The following SLC9A9 variants were observed in gnomAD, a reference collection of about 807,000 sequenced individuals.
SLC9A9 encodes sodium/hydrogen exchanger 9.
In SLC9A9, 62 loss-of-function variants were observed where a neutral mutation model predicts 77.8. The observed-to-expected ratio is 0.80, with a 90% CI of 0.65 to 0.98. SLC9A9 has a LOEUF of 0.98. Ranked by LOEUF, SLC9A9 falls within the 50% of genes least tolerant of loss-of-function variation. The pLI, the probability that SLC9A9 is intolerant of heterozygous loss-of-function variation, is 0.00. For synonymous variants in SLC9A9, 320 were observed against 283.5 expected (o/e 1.13, Z -1.29); for missense variants, 775 against 774.9 (o/e 1.00, Z 0.00).
intron 14 of SLC9A9, among the ~76,000 whole-genome samples, chr3:143,318,501 G>A (rs1286964450): frequency 1.3e-5 from 2 of 152,192 alleles, no homozygotes; most frequent in South Asian, 2.1e-4. Flanking sequence ...ATGTAGTTAA[G>A]CAGAGCTTGT....
chr3:143,385,298 A>G (rs1177131947), intron 12 of SLC9A9, among the ~76,000 whole-genome samples: 3 of 152,042 alleles, frequency 2.0e-5, no homozygotes, highest in Admixed American at 2.0e-4. Context: ...TTCATTTTCT[A>G]TCTATCTATC....
chr3:143,458,605 G>A (rs1461392399), intron 12 of SLC9A9, among the ~76,000 whole-genome samples: 6 of 151,828 alleles, frequency 4.0e-5, no homozygotes, highest in Admixed American at 3.9e-4. Context: ...ATGTGTTTTA[G>A]TGGTTGATCT....
chr3:143,334,658 A>T (rs2108457986), intron 14 of SLC9A9, among the ~76,000 whole-genome samples: 1 of 152,354 alleles, frequency 6.6e-6, no homozygotes, highest in African/African-American at 2.4e-5. Flanking sequence ...CTGGAAGACA[A>T]TAAAGGCTCA....
intron 6 of SLC9A9, among the ~76,000 whole-genome samples, chr3:143,580,755 C>T (rs558904777): frequency 3.3e-5 from 5 of 152,242 alleles, no homozygotes; most frequent in Admixed American, 2.0e-4. Context: ...TCACTTTGTT[C>T]GCCAAACTTT....
chr3:143,751,211 G>A (rs2006706115), intron 4 of SLC9A9, among the ~76,000 whole-genome samples: 1 of 152,164 alleles, frequency 6.6e-6, no homozygotes, highest in African/African-American at 2.4e-5. Context: ...GTGGAGAAAA[G>A]GTTGCAGACT....
At chr3:143,754,306 C>T (rs1229563190) in intron 4 of SLC9A9, among the ~76,000 whole-genome samples, 1 of 152,160 alleles carries the variant, frequency 6.6e-6, no homozygotes, top group African/African-American at 2.4e-5. Flanking sequence ...GGATATGATG[C>T]CTTGGGACTT....
At position 143,848,430 on chromosome 3, in the gene SLC9A9, C is replaced by A; in HGVS notation, c.-108G>T. 1.4e-6 allele frequency: 2 copies of A among 1,416,166 alleles called. No individual in the cohort carries two copies. Among genetic ancestry groups the A allele is most frequent in the East Asian group, 2.3e-5 (1 of 43,316 alleles). The allele number at this position is 1,416,166 out of a possible 1,614,324, so 87.7% of individuals were successfully genotyped here. A position where few individuals can be genotyped will look rare whatever the true frequency, so the allele number is the denominator to read the frequency against. On this transcript the variant is annotated 5_prime_UTR_variant, in exon 1 of 16. Transcript: ENST00000316549. Reference sequence around the variant, plus strand: ...CTGAGAATTTCAGAAGAAACACTGCCACTTTAGTTGCTACTTCACAAGCAT... The same window carrying A: ...CTGAGAATTTCAGAAGAAACACTGCAACTTTAGTTGCTACTTCACAAGCAT...
intron 6 of SLC9A9, chr3:143,620,606 C>T (rs1341020169): frequency 6.6e-6 from 1 of 152,560 alleles, no homozygotes; most frequent in Non-Finnish European, 1.5e-5. Context: ...TAGGTGGTAA[C>T]CAGCCTTTGA....
intron 14 of SLC9A9, among the ~76,000 whole-genome samples, chr3:143,354,365 T>A (rs940539482): frequency 6.6e-6 from 1 of 152,240 alleles, no homozygotes. Flanking sequence ...TTGACATACA[T>A]TGAGAATCAT....
intron 9 of SLC9A9, among the ~76,000 whole-genome samples, chr3:143,534,389 TG>T (rs2036558397): frequency 6.6e-6 from 1 of 152,256 alleles, no homozygotes; most frequent in African/African-American, 2.4e-5. Flanking sequence ...TATTTTATAC[TG>T]GTTTCCTCAA....
chr3:143,724,015 T>A (rs1228845340), intron 4 of SLC9A9, among the ~76,000 whole-genome samples: 1 of 152,240 alleles, frequency 6.6e-6, no homozygotes, highest in Non-Finnish European at 1.5e-5. Flanking sequence ...ATTATTTAGT[T>A]GGCTTCTGGA....
chr3:143,545,692 T>C (rs899054250), intron 9 of SLC9A9, among the ~76,000 whole-genome samples: 2 of 152,230 alleles, frequency 1.3e-5, no homozygotes, highest in Non-Finnish European at 2.9e-5. Flanking sequence ...TGAGAGTTTT[T>C]CCAGGAAGAA....
chr3:143,503,396 G>C (rs1250777962), intron 9 of SLC9A9: 1 of 313,068 alleles, frequency 3.2e-6, no homozygotes, highest in African/African-American at 2.2e-5. Context: ...AGCATCAAAA[G>C]TGGAAGAATG....
chr3:143,597,383 A>T (rs1415545228), intron 6 of SLC9A9, among the ~76,000 whole-genome samples: 1 of 152,170 alleles, frequency 6.6e-6, no homozygotes, highest in African/African-American at 2.4e-5. Context: ...GACAGACAGG[A>T]GGGGGCCAAA....
chr3:143,463,673 G>A (rs1178408815), intron 12 of SLC9A9, among the ~76,000 whole-genome samples: 1 of 152,118 alleles, frequency 6.6e-6, no homozygotes, highest in Non-Finnish European at 1.5e-5. Context: ...TGCTGGAGGA[G>A]TCTTTTCCTT....
intron 8 of SLC9A9, among the ~76,000 whole-genome samples, chr3:143,566,440 A>G (rs1207036306): frequency 6.6e-6 from 1 of 152,140 alleles, no homozygotes; most frequent in Non-Finnish European, 1.5e-5. Context: ...AATAGGCCAG[A>G]GTGTTACTTG....
intron 9 of SLC9A9, among the ~76,000 whole-genome samples, chr3:143,499,682 G>T (rs1161028886): frequency 6.6e-6 from 1 of 151,992 alleles, no homozygotes; most frequent in Non-Finnish European, 1.5e-5. Flanking sequence ...TGAGATATGG[G>T]CATCTTTGTT....
intron 9 of SLC9A9, among the ~76,000 whole-genome samples, chr3:143,510,140 G>A (rs1330747509): frequency 6.6e-6 from 1 of 152,192 alleles, no homozygotes; most frequent in Non-Finnish European, 1.5e-5. Context: ...ATAAAATTAA[G>A]TTGCTTAGAA....
At chr3:143,667,683 G>A (rs1343879031) in intron 5 of SLC9A9, among the ~76,000 whole-genome samples, 2 of 152,178 alleles carry the variant, frequency 1.3e-5, no homozygotes, top group Non-Finnish European at 2.9e-5. Flanking sequence ...GATATGAACA[G>A]ACACTTCTCA....
Sources: allele counts gnomAD v4.1 joint callset (sites outside exome capture counted in the v4.1 genomes callset), GRCh38; gene constraint gnomAD v4.1.1; transcripts MANE v1.5; gene names NCBI Gene and HGNC (gene_info 2026-07-23, HGNC 2026-07-21).